Variants in TCTN1 observed in about 807,000 individuals in gnomAD.
TCTN1 encodes the protein tectonic family member 1, also known as tectonic-1.
TCTN1 carries 58 observed loss-of-function variants against 65.8 expected under a neutral mutation model. The ratio of observed to expected loss-of-function variants is 0.88; its 90% CI spans 0.71 to 1.10. The LOEUF (loss-of-function observed/expected upper bound fraction) is 1.10. Ranked by LOEUF, TCTN1 falls within the 50% of genes least tolerant of loss-of-function variation. TCTN1 has a pLI of 0.00. For missense variants in TCTN1, 645 were observed against 719.4 expected (o/e 0.90, Z 1.18); for synonymous variants, 273 against 289.1 (o/e 0.94, Z 0.57).
Position 110,641,050 on chromosome 12 carries a change from T to A in TCTN1, c.1005T>A (p.Asp335Glu). ...TAAAGTACAGCCTCACATACACAGA[T>A]GCAGGTGAAGTCACCAAAGCTGATC... ...LEVKYSLTYTDAGEVTKADLS... is the reference protein window; with the variant it reads ...LEVKYSLTYTEAGEVTKADLS... Residue 335 changes from aspartate to glutamate, a missense_variant, in exon 9 of 15, where the codon GAT (aspartate) becomes GAA (glutamate). Physicochemically the swap from Asp to Glu is conservative, Grantham distance 45. Transcript: ENST00000397659. 1 of 1,614,258 alleles carries A rather than the reference T, an allele frequency of 6.2e-7. No individual in the cohort carries two copies.
At position 110,640,445 on chromosome 12, in the gene TCTN1, G is replaced by A. The variant is rs2066880564; in HGVS notation, c.906G>A (p.Glu302=). Residue 302 remains glutamate (E), a synonymous_variant, in exon 8 of 15, where the codon GAG becomes GAA. Transcript: ENST00000397659. This position sits in a 1 kb window ranked among gnomAD's most constrained non-coding sequence, Gnocchi z 4.9. ...QSLNKTLTRR[E]DTDVLQPTLV... The stretch of plus-strand genomic sequence containing the variant: ...TAAATAAAACGCTCACCCGACGGGA[G>A]GACACTGATGTGCTGCAGCCGACTC... The A allele has an allele frequency of 6.2e-7, 1 of 1,614,204 alleles. No homozygotes were observed. The highest frequency in any genetic ancestry group is 8.5e-7 in the Non-Finnish European group (1 of 1,180,046).
At chr12:110,626,560 T>C in intron 3 of TCTN1, 68 bp downstream of exon 3, 1 of 1,474,202 alleles carries the variant, frequency 6.8e-7, no homozygotes, top group Non-Finnish European at 9.3e-7. Flanking sequence ...TGGAAAAATG[T>C]GTCAGATTTA....
chr12:110,625,789 C>CT (rs2065793694), intron 2 of TCTN1: 1 of 144,744 alleles, frequency 6.9e-6, no homozygotes, highest in Non-Finnish European at 1.5e-5. Flanking sequence ...GAGTCTCACT[C>CT]TGTCACCAGG....
At chr12:110,629,868 G>A (rs1316724771) in intron 4 of TCTN1, 1 of 152,190 alleles carries the variant, frequency 6.6e-6, no homozygotes, top group Non-Finnish European at 1.5e-5. Flanking sequence ...TAGACTGGGT[G>A]AAGAAAATGT....
intron 11 of TCTN1, 121 bp downstream of exon 11, chr12:110,642,510 A>G: frequency 7.2e-7 from 1 of 1,390,572 alleles, no homozygotes; most frequent in Non-Finnish European, 1.0e-6. Context: ...AGCCACATAT[A>G]GTATATCATC....
Position 110,642,090 on chromosome 12 carries a change from CTG to C in TCTN1, c.1191-157_1191-156del, listed in dbSNP as rs1409442757. 4 of 864,088 alleles carry C rather than the reference CTG, an allele frequency of 4.6e-6. No individual in the cohort carries two copies. In the African/African-American group the frequency reaches 6.7e-5, roughly 15 times the overall value. 53.5% of individuals were successfully genotyped at this position (864,088 alleles called of 1,614,324 possible). On this transcript the variant is annotated intron_variant, in intron 10 of 14. Coordinates refer to ENST00000397659, the MANE Select transcript of TCTN1 (RefSeq NM_001082538.3). Reference sequence around the variant, plus strand: ...AATCCATTTATTAAGGAAAATAGAACTGTTTTTTTGCCTGCTCCTGGGAAATA... The same window carrying C: ...AATCCATTTATTAAGGAAAATAGAACTTTTTTTGCCTGCTCCTGGGAAATA...
rs752615267 is a variant in TCTN1 at position 110,644,942 on chromosome 12, G to A, written c.1332-25G>A. Reference sequence around the variant, plus strand: ...GGTGGATGAACAACAGCCTCATTCAGTTGACTTCTTTTTCCTTCACCAAGA... The same window carrying A: ...GGTGGATGAACAACAGCCTCATTCAATTGACTTCTTTTTCCTTCACCAAGA... On this transcript the variant is annotated intron_variant, in intron 11 of 14. Transcript: ENST00000397659. The surrounding 1 kb of genome is among the most constrained non-coding windows in gnomAD (Gnocchi z 4.6). 66 of 1,614,018 alleles carry A rather than the reference G, an allele frequency of 4.1e-5. No individual in the cohort carries two copies. The Admixed American group carries it at 1.0e-3, about 25-fold the overall frequency.
At chr12:110,642,081 A>G in intron 10 of TCTN1, 168 bp from the exon 11 acceptor site, 2 of 798,854 alleles carry the variant, frequency 2.5e-6, no homozygotes, top group Non-Finnish European at 4.0e-6. Flanking sequence ...TTTATTAAGG[A>G]AAATAGAACT....
At chr12:110,631,759 C>T (rs983931857) in intron 4 of TCTN1, among the ~76,000 whole-genome samples, 2 of 152,218 alleles carry the variant, frequency 1.3e-5, no homozygotes, top group Non-Finnish European at 2.9e-5. Flanking sequence ...TATATACATA[C>T]ATTTTTGTAC....
chr12:110,645,380 G>C (rs2067231737), intron 12 of TCTN1: 1 of 508,686 alleles, frequency 2.0e-6, no homozygotes, highest in Non-Finnish European at 3.6e-6. Context: ...GGCCTCATGG[G>C]GCATTGAGAG....
chr12:110,649,069 T>TATACACGTGAAATTTGAAAACTGTA lies in TCTN1; in HGVS notation c.*29_*53dup, dbSNP rs1445711500. 1 of 565,374 alleles carries TATACACGTGAAATTTGAAAACTGTA rather than the reference T, an allele frequency of 1.8e-6. No homozygotes were observed. Among genetic ancestry groups the TATACACGTGAAATTTGAAAACTGTA allele is most frequent in the Non-Finnish European group, 3.3e-6 (1 of 299,138 alleles). The allele number at this position is 565,374 out of a possible 1,614,324, so 35.0% of individuals were successfully genotyped here. A position where few individuals can be genotyped will look rare whatever the true frequency, so the allele number is the denominator to read the frequency against. On this transcript the variant is annotated 3_prime_UTR_variant, in exon 15 of 15. Coordinates refer to ENST00000397659, the MANE Select transcript of TCTN1 (RefSeq NM_001082538.3). ...ATGCTCAGATGCATCAGTTCCTTAA[T>TATACACGTGAAATTTGAAAACTGTA]ATACACGTGAAATTTGAAAACTGTA...
In TCTN1 at chr12:110,638,867, A is replaced by G. The variant is rs547002645; in HGVS notation, c.844-1516A>G. On this transcript the variant is annotated intron_variant, in intron 7 of 14. Coordinates refer to ENST00000397659, the MANE Select transcript of TCTN1 (RefSeq NM_001082538.3). ...GTTGCCCTTGTGTTAAACAAGAGCT[A>G]ATTGAATAACAGCCTAGGACCCCCT... 1.7e-4 allele frequency among the ~76,000 whole-genome samples: 26 copies of G among 152,306 alleles called. No individual in the cohort carries two copies. The South Asian group carries it at 5.4e-3, about 32-fold the overall frequency.
intron 11 of TCTN1, 120 bp downstream of exon 11, chr12:110,642,509 T>C: frequency 2.2e-6 from 3 of 1,384,506 alleles, no homozygotes; most frequent in Non-Finnish European, 3.1e-6. Flanking sequence ...AAGCCACATA[T>C]AGTATATCAT....
At position 110,640,117 on chromosome 12, in the gene TCTN1, T is replaced by A. The variant is rs533956572; in HGVS notation, c.844-266T>A. Among the ~76,000 whole-genome samples, 4 of 152,344 alleles carry A rather than the reference T, an allele frequency of 2.6e-5. No homozygotes were observed. The highest frequency in any genetic ancestry group is 5.9e-5 in the Non-Finnish European group (4 of 68,026). Reference sequence around the variant, plus strand: ...TATTTTGATAGTGCAGCTGTGAACATTTGTGTACAAGTTTTTGTGTAAACT... The same window carrying A: ...TATTTTGATAGTGCAGCTGTGAACAATTGTGTACAAGTTTTTGTGTAAACT... On this transcript the variant is annotated intron_variant, in intron 7 of 14. Transcript: ENST00000397659. This position sits in a 1 kb window ranked among gnomAD's most constrained non-coding sequence, Gnocchi z 4.9.
intron 1 of TCTN1, chr12:110,616,253 TA>T (rs2065026490): frequency 2.0e-5 from 9 of 449,568 alleles, no homozygotes; most frequent in Non-Finnish European, 3.1e-5. Flanking sequence ...CCTCACACTT[TA>T]TTTTTTTTTT....
At chr12:110,627,098 CTTT>C (rs1272922586) in intron 3 of TCTN1, among the ~76,000 whole-genome samples, 8 of 130,614 alleles carry the variant, frequency 6.1e-5, no homozygotes, top group Admixed American at 7.8e-5. Flanking sequence ...TTCTTTCTTT[CTTT>C]TTTTTTTTTT....
intron 3 of TCTN1, 107 bp from the exon 4 acceptor site, chr12:110,628,660 A>T: frequency 9.9e-7 from 1 of 1,008,418 alleles, no homozygotes; most frequent in Non-Finnish European, 1.4e-6. Flanking sequence ...TTTGTTTTTT[A>T]CATCAGCCTT....
In TCTN1 at chr12:110,632,575, T is replaced by G. The variant is rs753676064; in HGVS notation, c.712+16T>G. ...AACCCTGCAGGTAAGAAAGTGGTCA[T>G]TCTTCTTTCCTTAGACATTTGCTGT... On this transcript the variant is annotated intron_variant, in intron 5 of 14. Transcript: ENST00000397659. 19 of 1,612,296 alleles carry G rather than the reference T, an allele frequency of 1.2e-5. No homozygotes were observed. In the South Asian group the frequency reaches 2.1e-4, roughly 18 times the overall value.
At chr12:110,626,737 G>A (rs2065870545) in intron 3 of TCTN1, among the ~76,000 whole-genome samples, 1 of 147,800 alleles carries the variant, frequency 6.8e-6, no homozygotes. Context: ...CTGCCACCAT[G>A]CCTGGATAAT....
Sources: allele counts gnomAD v4.1 joint callset (sites outside exome capture counted in the v4.1 genomes callset), GRCh38; gene constraint gnomAD v4.1.1; non-coding constraint Gnocchi (gnomAD v3.1); transcripts MANE v1.5; gene names NCBI Gene and HGNC (gene_info 2026-07-23, HGNC 2026-07-21).